XDH: variants seen among roughly 807,000 people sequenced by gnomAD.
The protein encoded by XDH is xanthine dehydrogenase/oxidase.
A neutral mutation model predicts 156.1 loss-of-function variants in XDH; 138 were observed. That is an observed-to-expected ratio of 0.88 (90% confidence interval 0.77 to 1.02). The LOEUF (loss-of-function observed/expected upper bound fraction) is 1.02. Among genes scored for constraint, XDH ranks in the 50% least tolerant of loss-of-function variants. The pLI is 0.00. For synonymous variants in XDH, 669 were observed against 625.7 expected (o/e 1.07, Z -1.03); for missense variants, 1,849 against 1,684.9 (o/e 1.10, Z -1.71).
chr2:31,363,289 G>A (rs898590712), intron 24 of XDH, among the ~76,000 whole-genome samples: 22 of 152,194 alleles, frequency 1.4e-4, no homozygotes, highest in Admixed American at 2.6e-4. Context: ...CCAGCCTGGC[G>A]ACAGAGTGAG....
In XDH at chr2:31,367,033, C is replaced by G. The variant is rs763886032; in HGVS notation, c.2198-39G>C. 18 of 1,613,764 alleles carry G rather than the reference C, an allele frequency of 1.1e-5. No homozygotes were observed. In the Admixed American group the frequency reaches 3.0e-4, roughly 27 times the overall value. ...GAGATCCCTCACAGTGAGCCCAATG[C>G]TGCAGAAGGGGCCAGCTTGCCTAAG... On this transcript the variant is annotated intron_variant, in intron 20 of 35. Transcript: ENST00000379416.
chr2:31,409,265 A>G (rs746953514), intron 1 of XDH, among the ~76,000 whole-genome samples: 7 of 152,244 alleles, frequency 4.6e-5, no homozygotes, highest in Non-Finnish European at 8.8e-5. Flanking sequence ...ATTTAACTGT[A>G]CATTTAAAAA....
chr2:31,348,117 G>A lies in XDH; in HGVS notation c.3147+151C>T. 5 of 808,136 alleles carry A rather than the reference G, an allele frequency of 6.2e-6. No homozygotes were observed. The South Asian group carries it at 7.4e-5, about 12-fold the overall frequency. 50.1% of individuals were successfully genotyped at this position (808,136 alleles called of 1,614,324 possible). ...AGATGAGGAAACTGAGTTCAAGTGG[G>A]GGAAAAGACTTGCCCGAGGCTACAC... On this transcript the variant is annotated intron_variant, in intron 28 of 35. Coordinates refer to ENST00000379416, the MANE Select transcript of XDH (RefSeq NM_000379.4).
intron 31 of XDH, among the ~76,000 whole-genome samples, chr2:31,342,738 AG>A (rs1685161698): frequency 8.4e-3 from 2 of 238 alleles, no homozygotes; most frequent in African/African-American, 0.045. Context: ...TCTCAAGGTG[AG>A]AAAGTTAATA....
intron 10 of XDH, 118 bp downstream of exon 10, chr2:31,383,637 G>A (rs980065954): frequency 2.5e-4 from 232 of 934,094 alleles, no homozygotes; most frequent in Non-Finnish European, 3.4e-4. Flanking sequence ...GTGAGCCCCA[G>A]GAGAAGCAGG....
At chr2:31,402,166 A>T (rs1687077873) in intron 3 of XDH, among the ~76,000 whole-genome samples, 1 of 152,156 alleles carries the variant, frequency 6.6e-6, no homozygotes, top group African/African-American at 2.4e-5. Context: ...TTATATTAAA[A>T]AAAAGCCTTA....
chr2:31,407,788 A>G (rs1434093637), intron 1 of XDH, among the ~76,000 whole-genome samples: 2 of 151,930 alleles, frequency 1.3e-5, no homozygotes, highest in African/African-American at 4.8e-5. Context: ...AAAGTTCATG[A>G]AACTGCCAGA....
Position 31,370,450 on chromosome 2 carries a change from C to G in XDH, c.1885G>C (p.Val629Leu), listed in dbSNP as rs148464316. ...KSIDTSEAKK[V>L]PGFVCFISAD... ...GAAATGAAACAAACAAACCCTGGAA[C>G]CTTCTTAGCTTCTGATGTATCTATG... The change falls in exon 18 of 36, where the codon GTT (valine) becomes CTT (leucine). Residue 629 changes from valine (V) to leucine (L), a missense_variant. Val to Leu is a conservative substitution (Grantham distance 32). Coordinates refer to ENST00000379416, the MANE Select transcript of XDH (RefSeq NM_000379.4). 25 of 1,614,060 alleles carry G rather than the reference C, an allele frequency of 1.5e-5. No homozygotes were observed. The highest frequency in any genetic ancestry group is 1.6e-4 in the Middle Eastern group (1 of 6,084).
At chr2:31,336,248 C>G (rs1230730475) in intron 35 of XDH, among the ~76,000 whole-genome samples, 1 of 152,242 alleles carries the variant, frequency 6.6e-6, no homozygotes, top group East Asian at 1.9e-4. Context: ...GATATGGTGA[C>G]AAACAATACA....
At chr2:31,361,568 A>G (rs2148764325) in intron 24 of XDH, among the ~76,000 whole-genome samples, 1 of 152,338 alleles carries the variant, frequency 6.6e-6, no homozygotes, top group East Asian at 1.9e-4. Context: ...AGAAAAATCT[A>G]AAACCTCTCT....
chr2:31,345,525 A>G (rs1685256604), intron 30 of XDH, among the ~76,000 whole-genome samples: 1 of 152,206 alleles, frequency 6.6e-6, no homozygotes, highest in Non-Finnish European at 1.5e-5. Flanking sequence ...ACTGTGTCAC[A>G]CGCGCTATTT....
chr2:31,402,969 A>G (rs1687101197), intron 3 of XDH, 79 bp downstream of exon 3: 12 of 1,506,002 alleles, frequency 8.0e-6, no homozygotes, highest in Non-Finnish European at 1.0e-5. Flanking sequence ...ACATACACAC[A>G]TACACTCATG....
chr2:31,364,582 C>T (rs190668691), intron 23 of XDH, among the ~76,000 whole-genome samples: 30 of 152,000 alleles, frequency 2.0e-4, no homozygotes, highest in African/African-American at 6.3e-4. Flanking sequence ...GGGGGGGAAG[C>T]GCAGGGAAGA....
Position 31,342,175 on chromosome 2 carries a change from C to T in XDH, c.3519+8G>A. ...CCACTAAGTACTAAAGTTTTGCAAA[C>T]TTCTTACCTTATGATCTCCTGTTAG... is the stretch of plus-strand genomic sequence containing the variant. On this transcript the variant is annotated splice_region_variant and intron_variant, in intron 32 of 35. Coordinates refer to ENST00000379416, the MANE Select transcript of XDH (RefSeq NM_000379.4). The T allele has an allele frequency of 6.2e-7, 1 of 1,613,366 alleles. No homozygotes were observed. Among genetic ancestry groups the T allele is most frequent in the Non-Finnish European group, 8.5e-7 (1 of 1,179,420 alleles).
At chr2:31,381,924 T>C (rs1028605952) in intron 11 of XDH, among the ~76,000 whole-genome samples, 198 bp from the exon 12 acceptor site, 6 of 152,190 alleles carry the variant, frequency 3.9e-5, no homozygotes, top group Non-Finnish European at 7.4e-5. Flanking sequence ...TCAGAATACT[T>C]GAGATTGGAT....
chr2:31,374,660 G>C (rs1298012378), intron 15 of XDH, among the ~76,000 whole-genome samples: 1 of 152,122 alleles, frequency 6.6e-6, no homozygotes, highest in East Asian at 1.9e-4. Context: ...TCTTAAAGAA[G>C]GATTTATCTC....
rs771866329 is a variant in XDH, at chr2:31,344,787, C to T, written c.3352-51G>A. 4 of 1,594,110 alleles carry T rather than the reference C, an allele frequency of 2.5e-6. No homozygotes were observed. The Admixed American group carries it at 6.9e-5, about 27-fold the overall frequency. On this transcript the variant is annotated intron_variant, in intron 30 of 35. Transcript: ENST00000379416. ...CAGGTGAAGTGAGGTTTTCAGGAAC[C>T]CTGACCTGCCACTAAGCTTTCAGGA... is the stretch of plus-strand genomic sequence containing the variant.
chr2:31,337,551 C>A, intron 35 of XDH, 90 bp downstream of exon 35: 1 of 1,588,822 alleles, frequency 6.3e-7, no homozygotes, highest in African/African-American at 1.3e-5. Flanking sequence ...GAGAGCCCAA[C>A]ACCTCTCCTC....
intron 13 of XDH, among the ~76,000 whole-genome samples, chr2:31,378,220 T>C (rs1387966364): frequency 6.6e-6 from 1 of 150,492 alleles, no homozygotes; most frequent in Non-Finnish European, 1.5e-5. Flanking sequence ...AGAAAGAAAA[T>C]ATCACTATCA....
Sources: gnomAD v4.1 joint callset for allele counts (sites outside exome capture counted in the v4.1 genomes callset) on GRCh38, gnomAD v4.1.1 for gene constraint, MANE v1.5 for transcripts, NCBI Gene and HGNC (gene_info 2026-07-23, HGNC 2026-07-21) for gene names.